Variants in RAB3C observed in about 807,000 individuals in gnomAD.
RAB3C encodes ras-related protein Rab-3C.
Under a neutral mutation model 26.4 loss-of-function variants are expected in RAB3C, and 17 were observed. That is an observed-to-expected ratio of 0.64 (90% CI 0.44 to 0.97). The LOEUF (loss-of-function observed/expected upper bound fraction) is 0.97, where lower values mean the gene tolerates loss of function less well. RAB3C is among the 50% of genes least tolerant of loss of function. RAB3C has a pLI of 0.00. For missense variants in RAB3C, 242 were observed against 281.9 expected (o/e 0.86, Z 1.01); for synonymous variants, 91 against 95.9 (o/e 0.95, Z 0.30).
At chr5:58,612,914 G>C (rs1476017899) in intron 1 of RAB3C, among the ~76,000 whole-genome samples, 5 of 151,942 alleles carry the variant, frequency 3.3e-5, no homozygotes, top group Non-Finnish European at 7.4e-5. Flanking sequence ...TTTTCAAGGG[G>C]AATGCTTCCA....
At chr5:58,718,717 G>A (rs1404548501) in intron 2 of RAB3C, among the ~76,000 whole-genome samples, 1 of 152,126 alleles carries the variant, frequency 6.6e-6, no homozygotes, top group East Asian at 1.9e-4. Flanking sequence ...TTTAGAGGCT[G>A]GTTTATTAGT....
At chr5:58,642,073 T>C (rs1462912243) in intron 2 of RAB3C, among the ~76,000 whole-genome samples, 1 of 152,170 alleles carries the variant, frequency 6.6e-6, no homozygotes, top group Non-Finnish European at 1.5e-5. Context: ...CTGCACCTTG[T>C]CTAGCCTAAC....
At chr5:58,657,061 G>T (rs1747791691) in intron 2 of RAB3C, among the ~76,000 whole-genome samples, 1 of 152,164 alleles carries the variant, frequency 6.6e-6, no homozygotes, top group African/African-American at 2.4e-5. Context: ...GCCATAAAAA[G>T]GAATGAATTA....
At chr5:58,662,590 G>A (rs1747926882) in intron 2 of RAB3C, among the ~76,000 whole-genome samples, 1 of 150,056 alleles carries the variant, frequency 6.7e-6, no homozygotes, top group African/African-American at 2.5e-5. Context: ...TAAATAATTG[G>A]CCCAAATGTC....
intron 3 of RAB3C, among the ~76,000 whole-genome samples, chr5:58,795,246 GT>G (rs1162943983): frequency 6.6e-6 from 1 of 152,164 alleles, no homozygotes; most frequent in African/African-American, 2.4e-5. Flanking sequence ...ATGTGGAACT[GT>G]TAGTCAATTA....
At chr5:58,742,931 C>T (rs763741999) in intron 3 of RAB3C, among the ~76,000 whole-genome samples, 3 of 151,350 alleles carry the variant, frequency 2.0e-5, no homozygotes, top group South Asian at 2.1e-4. Context: ...GATAGGGATA[C>T]GGGAGGGAAT....
At chr5:58,594,404 G>A (rs1293067336) in intron 1 of RAB3C, among the ~76,000 whole-genome samples, 1 of 152,180 alleles carries the variant, frequency 6.6e-6, no homozygotes, top group Non-Finnish European at 1.5e-5. Flanking sequence ...CACCTGTGAT[G>A]TGAACATTCT....
In RAB3C at chr5:58,853,278, T is replaced by C. The variant is rs1031095927; in HGVS notation, c.*1927T>C. ...GCAGTAGTCTGTTTGTACAATGTTA[T>C]AATATTTCTGTAACTTGGGCCAGAA... On this transcript the variant is annotated 3_prime_UTR_variant, in exon 5 of 5. Transcript: ENST00000282878. 6.6e-6 allele frequency: 1 copy of C among 152,238 alleles called. No individual in the cohort carries two copies. The highest frequency in any genetic ancestry group is 1.5e-5 in the Non-Finnish European group (1 of 68,030). 9.4% of individuals were successfully genotyped at this position (152,238 alleles called of 1,614,324 possible).
intron 3 of RAB3C, among the ~76,000 whole-genome samples, chr5:58,809,282 T>C (rs1192126443): frequency 6.6e-6 from 1 of 152,070 alleles, no homozygotes; most frequent in Non-Finnish European, 1.5e-5. Context: ...AAGGTACTTT[T>C]GACTTCAAAA....
chr5:58,746,353 G>C (rs146682240), intron 3 of RAB3C, among the ~76,000 whole-genome samples: 1 of 152,216 alleles, frequency 6.6e-6, no homozygotes, highest in East Asian at 1.9e-4. Context: ...CCAGTACTTG[G>C]GGCTTCAGGA....
intron 3 of RAB3C, among the ~76,000 whole-genome samples, chr5:58,811,519 A>C (rs1028854961): frequency 6.6e-6 from 1 of 152,152 alleles, no homozygotes; most frequent in Non-Finnish European, 1.5e-5. Context: ...GGCTCTTCCA[A>C]ATCTGTTTTA....
intron 2 of RAB3C, among the ~76,000 whole-genome samples, chr5:58,668,780 T>G (rs1463361758): frequency 1.3e-5 from 2 of 152,152 alleles, no homozygotes; most frequent in East Asian, 3.9e-4. Flanking sequence ...CTCCTACGTC[T>G]TAATTTCTAG....
Position 58,825,021 on chromosome 5 carries a change from T to G in RAB3C, c.372-17T>G, listed in dbSNP as rs1272348023. On this transcript the variant is annotated splice_polypyrimidine_tract_variant and intron_variant, in intron 3 of 4. Transcript: ENST00000282878. ...TGCTTTCCTCTGATTGTGTCATGCT[T>G]CTTCTTTTTCTTTTAGGTCAACTCA... 7 of 1,588,008 alleles carry G rather than the reference T, an allele frequency of 4.4e-6. No homozygotes were observed. Among genetic ancestry groups the G allele is most frequent in the Middle Eastern group, 1.7e-4 (1 of 5,994 alleles).
intron 4 of RAB3C, among the ~76,000 whole-genome samples, chr5:58,846,059 C>G (rs1365004071): frequency 6.6e-6 from 1 of 152,128 alleles, no homozygotes; most frequent in African/African-American, 2.4e-5. Flanking sequence ...TTGTGACTAG[C>G]TTATTACACT....
intron 3 of RAB3C, among the ~76,000 whole-genome samples, chr5:58,799,351 A>AT (rs557867607): frequency 8.3e-4 from 122 of 147,854 alleles, no homozygotes; most frequent in South Asian, 1.3e-3. Context: ...ACAGGCTTTA[A>AT]TTTTTTTTTT....
intron 2 of RAB3C, among the ~76,000 whole-genome samples, chr5:58,646,676 A>G (rs1747527755): frequency 6.6e-6 from 1 of 152,040 alleles, no homozygotes. Flanking sequence ...AGGCATTGAA[A>G]TCAATTTTGC....
intron 3 of RAB3C, among the ~76,000 whole-genome samples, chr5:58,732,452 T>C (rs568044406): frequency 6.6e-6 from 1 of 152,264 alleles, no homozygotes; most frequent in African/African-American, 2.4e-5. Context: ...GGGTTTATGT[T>C]AACAATAGCT....
intron 3 of RAB3C, among the ~76,000 whole-genome samples, chr5:58,803,877 A>G (rs1579927116): frequency 6.6e-6 from 1 of 152,058 alleles, no homozygotes; most frequent in South Asian, 2.1e-4. Flanking sequence ...TGGCCAACAT[A>G]GTGAAACCCC....
At chr5:58,846,620 C>T (rs1744012302) in intron 4 of RAB3C, among the ~76,000 whole-genome samples, 1 of 152,132 alleles carries the variant, frequency 6.6e-6, no homozygotes, top group Middle Eastern at 3.4e-3. Flanking sequence ...CTCAAGCGAT[C>T]CTCCCACCGT....
Sources: allele counts gnomAD v4.1 joint callset (sites outside exome capture counted in the v4.1 genomes callset), GRCh38; gene constraint gnomAD v4.1.1; transcripts MANE v1.5; gene names NCBI Gene and HGNC (gene_info 2026-07-23, HGNC 2026-07-21).